ACOT9: variants seen among roughly 807,000 people sequenced by gnomAD.
The protein encoded by ACOT9 is acyl-coenzyme A thioesterase 9, mitochondrial.
In ACOT9, 34 loss-of-function variants were observed where a neutral mutation model predicts 39.7. The observed-to-expected ratio is 0.86, with a 90% CI of 0.65 to 1.14. ACOT9 has a LOEUF of 1.14. Among genes scored for constraint, ACOT9 ranks in the 50% most tolerant of loss-of-function variants. The probability of loss-of-function intolerance (pLI) is 0.00; values close to 1 mark genes in which losing one functional copy is unlikely to be tolerated. For synonymous variants in ACOT9, 110 were observed against 120.5 expected, an observed-to-expected ratio of 0.91 and a Z score of 0.57; for missense variants, 313 against 344.1, an observed-to-expected ratio of 0.91 and a Z score of 0.71.
intron 6 of ACOT9, among the ~76,000 whole-genome samples, chrX:23,729,178 T>A (rs2146846703): frequency 9.0e-6 from 1 of 111,308 alleles, no homozygotes; most frequent in South Asian, 3.7e-4. Flanking sequence ...GCTGATATCA[T>A]CAGTAATGAG....
At chrX:23,742,233 A>AGAGAGAGG (rs1920976919) in intron 1 of ACOT9, among the ~76,000 whole-genome samples, 2 of 52,448 alleles carry the variant, frequency 3.8e-5, no homozygotes, top group Admixed American at 2.3e-4. Context: ...AGAGAGAGAG[A>AGAGAGAGG]GAGGGAGAGA....
intron 8 of ACOT9, among the ~76,000 whole-genome samples, chrX:23,719,663 G>A (rs1285801849): frequency 1.8e-5 from 2 of 110,790 alleles, no homozygotes; most frequent in South Asian, 3.8e-4. Context: ...CCTCACATGC[G>A]CAGCTCACGA....
chrX:23,730,443 A>T (rs779036965), intron 6 of ACOT9, 84 bp downstream of exon 6: 1 of 761,418 alleles, frequency 1.3e-6, no homozygotes, highest in Non-Finnish European at 2.0e-6. Context: ...TGTGCAGGTT[A>T]AAGAATAAAA....
In ACOT9 at chrX:23,704,702, G is replaced by C; in HGVS notation, c.1250C>G (p.Thr417Arg). Residue 417 changes from threonine to arginine, a missense_variant, in exon 15 of 16, where the codon ACA (threonine) becomes AGA (arginine). Transcript: ENST00000379303. ...EKEVPLVFPKTYGESMLYLDG... is the reference protein window; with the variant it reads ...EKEVPLVFPKRYGESMLYLDG... ...CAATAATCACTACTTACCTCCATAT[G>C]TTTTTGGGAAAACCAATGGCACTTC... is the stretch of plus-strand genomic sequence containing the variant. The C allele has an allele frequency of 8.3e-7, 1 of 1,211,203 alleles. No individual in the cohort carries two copies. The highest frequency in any genetic ancestry group is 1.1e-6 in the Non-Finnish European group (1 of 895,013).
intron 9 of ACOT9, among the ~76,000 whole-genome samples, chrX:23,709,560 G>A (rs1283904194): frequency 1.8e-5 from 2 of 111,928 alleles, no homozygotes; most frequent in Non-Finnish European, 3.8e-5. Context: ...GTAGATGGGT[G>A]TTATTCTTCC....
intron 1 of ACOT9, among the ~76,000 whole-genome samples, chrX:23,737,938 G>A (rs1218982186): frequency 9.7e-6 from 1 of 103,594 alleles, no homozygotes; most frequent in African/African-American, 3.6e-5. Flanking sequence ...GTGCGATCTC[G>A]GCTCACTGCA....
chrX:23,731,614 G>GTA (rs748180560), intron 4 of ACOT9, among the ~76,000 whole-genome samples: 6,632 of 109,187 alleles, frequency 0.061, 231 homozygotes, highest in Non-Finnish European at 0.085. Context: ...GGACAAAATA[G>GTA]TATATATATA....
chrX:23,710,488 C>T (rs1928855050), intron 9 of ACOT9, among the ~76,000 whole-genome samples: 1 of 111,982 alleles, frequency 8.9e-6, no homozygotes, highest in Admixed American at 9.6e-5. Context: ...AGAAGGCACA[C>T]TTGGAGCATC....
chrX:23,726,070 T>C (rs1929511324), intron 6 of ACOT9, among the ~76,000 whole-genome samples: 1 of 108,719 alleles, frequency 9.2e-6, no homozygotes, highest in Non-Finnish European at 1.9e-5. Flanking sequence ...CGTGGTGGTG[T>C]GTGCCTGTTA....
chrX:23,736,058 T>C (rs777927024), intron 1 of ACOT9, 42 bp from the exon 2 acceptor site: 11 of 1,105,635 alleles, frequency 9.9e-6, no homozygotes, highest in Non-Finnish European at 1.4e-5. Context: ...CCACAGCTTC[T>C]TCCCTGGCAA....
At position 23,735,937 on chromosome X, in the gene ACOT9, T is replaced by C; in HGVS notation, c.100A>G (p.Ile34Val). The stretch of plus-strand genomic sequence containing the variant: ...TGCTTGCCTTCATGAATGTGGAAGA[T>C]TCCCTGTTTCTTGGGGTTCTGGGGT... ...QGPQNPKKQG[I>V]FHIHEACSSI... The change falls in exon 2 of 16, where the codon ATC becomes GTC. Residue 34 changes from isoleucine (I) to valine (V), a missense_variant. Coordinates refer to ENST00000379303, the MANE Select transcript of ACOT9 (RefSeq NM_001037171.2). The C allele has an allele frequency of 2.5e-6, 3 of 1,210,605 alleles. No homozygotes were observed. The highest frequency in any genetic ancestry group is 1.8e-5 in the South Asian group (1 of 56,819).
chrX:23,730,443 A>C (rs779036965), intron 6 of ACOT9, 84 bp downstream of exon 6: 1 of 759,866 alleles, frequency 1.3e-6, no homozygotes, highest in African/African-American at 2.1e-5. Flanking sequence ...TGTGCAGGTT[A>C]AAGAATAAAA....
At chrX:23,716,651 A>G (rs911287755) in intron 8 of ACOT9, among the ~76,000 whole-genome samples, 2 of 111,761 alleles carry the variant, frequency 1.8e-5, no homozygotes, top group Admixed American at 9.6e-5. Flanking sequence ...GGCTGGGGCT[A>G]GTTTATGAAG....
chrX:23,729,823 G>C (rs1016361117), intron 6 of ACOT9, among the ~76,000 whole-genome samples: 43 of 110,301 alleles, frequency 3.9e-4, no homozygotes, highest in African/African-American at 1.3e-3. Flanking sequence ...AGTAGAGATG[G>C]GGTTTCACCA....
At chrX:23,730,594 T>C in intron 5 of ACOT9, 30 bp from the exon 6 acceptor site, 4 of 1,173,231 alleles carry the variant, frequency 3.4e-6, no homozygotes, top group African/African-American at 1.8e-5. Flanking sequence ...GTGAATTAAA[T>C]GCAAATCATG....
chrX:23,703,892 TCTTAGGG>T lies in ACOT9; in HGVS notation c.1342_*1del. The T allele has an allele frequency of 8.3e-7, 1 of 1,207,247 alleles. No homozygotes were observed. Among genetic ancestry groups the T allele is most frequent in the Non-Finnish European group, 1.1e-6 (1 of 891,941 alleles). On this transcript the variant is annotated stop_lost and 3_prime_UTR_variant, in exon 16 of 16. Transcript: ENST00000379303. ...TGCTAGTTTTCAACAAATGTGGTGT[TCTTAGGG>T]CTCCACAAGGTAGTCCTTTCTCAAG...
intron 10 of ACOT9, 131 bp downstream of exon 10, chrX:23,707,746 C>A (rs5970599): frequency 0.39 from 165,997 of 428,317 alleles, 24,951 homozygotes; most frequent in Non-Finnish European, 0.42. Flanking sequence ...TCAAAAAAAA[C>A]AAACAAAAAA....
Position 23,743,252 on chromosome X carries a change from G to A in ACOT9, c.-108C>T. The A allele has an allele frequency of 2.0e-6, 2 of 997,564 alleles. No homozygotes were observed. The highest frequency in any genetic ancestry group is 2.7e-6 in the Non-Finnish European group (2 of 753,915). The allele number at this position is 997,564 out of a possible 1,213,427, so 82.2% of individuals were successfully genotyped here. A position where few individuals can be genotyped will look rare whatever the true frequency, so the allele number is the denominator to read the frequency against. ...ACGAGTACCAGACCGCGCCCTTGCT[G>A]AGGACAGCCCGGGAGCCGGACAGCG... On this transcript the variant is annotated 5_prime_UTR_variant, in exon 1 of 16. Coordinates refer to ENST00000379303, the MANE Select transcript of ACOT9 (RefSeq NM_001037171.2).
chrX:23,707,029 G>A (rs1040001648), intron 10 of ACOT9: 7 of 175,684 alleles, frequency 4.0e-5, no homozygotes, highest in Admixed American at 3.8e-4. Flanking sequence ...AGGTGCAGTG[G>A]CTCATGCCTG....
Sources: gnomAD v4.1 joint callset for allele counts (sites outside exome capture counted in the v4.1 genomes callset) on GRCh38, gnomAD v4.1.1 for gene constraint, MANE v1.5 for transcripts, NCBI Gene and HGNC (gene_info 2026-07-23, HGNC 2026-07-21) for gene names.